Variants in RHBDL2 observed in about 807,000 individuals in gnomAD.
The protein encoded by RHBDL2 is rhomboid like 2.
In RHBDL2, 26 loss-of-function variants were observed where a neutral mutation model predicts 31.7. The observed-to-expected ratio is 0.82, with a 90% CI of 0.60 to 1.14. The LOEUF (loss-of-function observed/expected upper bound fraction) is 1.14, where lower values mean the gene tolerates loss of function less well. RHBDL2 is among the 50% of genes most tolerant of loss of function. RHBDL2 has a pLI of 0.00. For synonymous variants in RHBDL2, 123 were observed against 127.2 expected (o/e 0.97, Z 0.22); for missense variants, 336 against 364.4 (o/e 0.92, Z 0.63).
In RHBDL2 at chr1:38,938,641, T is replaced by A. The variant is rs948848381; in HGVS notation, c.-126+3041A>T. Among the ~76,000 whole-genome samples, 52 of 152,242 alleles carry A rather than the reference T, an allele frequency of 3.4e-4. 1 individual carries two copies. The highest frequency in any genetic ancestry group is 5.4e-4 in the Non-Finnish European group (37 of 68,012). The stretch of plus-strand genomic sequence containing the variant: ...TTAAGTTAAAGAAAAGAAAAGAAAA[T>A]TTTTTAATTAAAGAAAAACAAAACT... On this transcript the variant is annotated intron_variant, in intron 1 of 7. Transcript: ENST00000372990.
intron 1 of RHBDL2, chr1:38,929,702 G>A (rs762460831): frequency 6.9e-5 from 33 of 475,798 alleles, no homozygotes; most frequent in African/African-American, 4.6e-4. Context: ...GGAGACTTTC[G>A]GTGGTGTTGC....
At chr1:38,901,786 T>C (rs1018453107) in intron 4 of RHBDL2, among the ~76,000 whole-genome samples, 1 of 150,844 alleles carries the variant, frequency 6.6e-6, no homozygotes, top group Non-Finnish European at 1.5e-5. Flanking sequence ...GAGCTGAGAT[T>C]GCACCACTGC....
intron 1 of RHBDL2, among the ~76,000 whole-genome samples, chr1:38,924,651 T>A (rs918987849): frequency 2.6e-5 from 4 of 151,738 alleles, no homozygotes; most frequent in Admixed American, 2.6e-4. Flanking sequence ...TTGCCTAGAA[T>A]AAGCATTACT....
chr1:38,909,807 T>A (rs1643116689), intron 4 of RHBDL2, among the ~76,000 whole-genome samples: 1 of 152,176 alleles, frequency 6.6e-6, no homozygotes, highest in Admixed American at 6.6e-5. Context: ...CTATCATATG[T>A]TCCAACAACT....
chr1:38,891,541 G>C (rs994773176), intron 6 of RHBDL2, among the ~76,000 whole-genome samples: 2 of 152,172 alleles, frequency 1.3e-5, no homozygotes, highest in Non-Finnish European at 2.9e-5. Context: ...GTGTGACCCT[G>C]AACAACTGAG....
At chr1:38,935,374 G>A (rs1050800950) in intron 1 of RHBDL2, among the ~76,000 whole-genome samples, 2 of 152,066 alleles carry the variant, frequency 1.3e-5, no homozygotes, top group African/African-American at 4.8e-5. Flanking sequence ...ATAGCATAAT[G>A]GCTAAAACAC....
At chr1:38,887,899 AT>A in intron 7 of RHBDL2, 63 bp downstream of exon 7, 1 of 1,219,354 alleles carries the variant, frequency 8.2e-7, no homozygotes, top group Non-Finnish European at 1.2e-6. Flanking sequence ...TGTAACCCCT[AT>A]TTGATAACCC....
chr1:38,897,354 C>T (rs1183501962), intron 4 of RHBDL2, among the ~76,000 whole-genome samples: 1 of 152,132 alleles, frequency 6.6e-6, no homozygotes, highest in African/African-American at 2.4e-5. Flanking sequence ...CCCACCTCGG[C>T]CTCCCAAAGT....
intron 1 of RHBDL2, chr1:38,929,585 G>T: frequency 7.8e-7 from 1 of 1,283,102 alleles, no homozygotes; most frequent in African/African-American, 1.5e-5. Flanking sequence ...GTACCAGGCA[G>T]GCCCCTGCCG....
chr1:38,903,329 G>A lies in RHBDL2; in HGVS notation c.509-7260C>T, dbSNP rs374634670. 2.2e-3 allele frequency among the ~76,000 whole-genome samples: 334 copies of A among 151,810 alleles called. 4 individuals carry two copies. The South Asian group carries it at 0.032, about 14-fold the overall frequency. On this transcript the variant is annotated intron_variant, in intron 4 of 7. Coordinates refer to ENST00000372990, the MANE Select transcript of RHBDL2 (RefSeq NM_017821.5). ...TAATTTTTGTATTTTTAGTAGAGACGGGGTTTCACTATGTTGCCCAGGCTG... is the reference window on the plus strand; with the variant it reads ...TAATTTTTGTATTTTTAGTAGAGACAGGGTTTCACTATGTTGCCCAGGCTG...
rs1243603964 is a variant in RHBDL2 at position 38,917,260 on chromosome 1, G to A, written c.247-1550C>T. On this transcript the variant is annotated intron_variant, in intron 2 of 7. Coordinates refer to ENST00000372990, the MANE Select transcript of RHBDL2 (RefSeq NM_017821.5). ...TCTCAATCTCCTGACCTTGTGATCC[G>A]CCCACCTCAGCCTCCCAAAGTGCTG... Among the ~76,000 whole-genome samples, 3 of 151,828 alleles carry A rather than the reference G, an allele frequency of 2.0e-5. No homozygotes were observed. The South Asian group carries it at 6.2e-4, about 32-fold the overall frequency.
intron 4 of RHBDL2, among the ~76,000 whole-genome samples, chr1:38,899,637 G>A (rs1642964290): frequency 6.6e-6 from 1 of 152,224 alleles, no homozygotes; most frequent in African/African-American, 2.4e-5. Context: ...CAGACTGGTT[G>A]AATTAATGAA....
Position 38,916,584 on chromosome 1 carries a change from C to T in RHBDL2, c.247-874G>A, listed in dbSNP as rs375779323. Among the ~76,000 whole-genome samples the T allele has an allele frequency of 1.3e-4, 20 of 152,206 alleles. No individual in the cohort carries two copies. In the South Asian group the frequency reaches 3.9e-3, roughly 30 times the overall value. ...ATGGGGCCAGACGCAGTGGCTCATG[C>T]CTATAGTCCCAGCCCTTTGGCGGGA... is the stretch of plus-strand genomic sequence containing the variant. On this transcript the variant is annotated intron_variant, in intron 2 of 7. Transcript: ENST00000372990.
chr1:38,929,492 C>T (rs1469168319), intron 1 of RHBDL2: 7 of 1,289,346 alleles, frequency 5.4e-6, no homozygotes, highest in Non-Finnish European at 7.1e-6. Flanking sequence ...TGAGCTTGTG[C>T]CGCTTGCCTA....
intron 1 of RHBDL2, among the ~76,000 whole-genome samples, chr1:38,919,870 G>A (rs977754631): frequency 4.6e-5 from 7 of 152,150 alleles, no homozygotes; most frequent in Non-Finnish European, 7.4e-5. Context: ...CACCGAAGCC[G>A]GCCCTGTTTT....
chr1:38,936,886 G>A (rs1460653311), intron 1 of RHBDL2, among the ~76,000 whole-genome samples: 7 of 151,546 alleles, frequency 4.6e-5, no homozygotes, highest in South Asian at 2.1e-4. Context: ...CACCCAACTC[G>A]GCCTCCCAAA....
intron 1 of RHBDL2, among the ~76,000 whole-genome samples, chr1:38,929,850 C>T (rs1643422212): frequency 6.6e-6 from 1 of 152,044 alleles, no homozygotes; most frequent in South Asian, 2.1e-4. Context: ...TGAAAGGATG[C>T]TTTTTTAGCT....
intron 4 of RHBDL2, among the ~76,000 whole-genome samples, chr1:38,897,265 T>C (rs1642930504): frequency 6.6e-6 from 1 of 152,110 alleles, no homozygotes; most frequent in Non-Finnish European, 1.5e-5. Flanking sequence ...CACGCCTGGC[T>C]AATTTTTTGT....
intron 6 of RHBDL2, among the ~76,000 whole-genome samples, chr1:38,889,728 C>A (rs1642831284): frequency 6.6e-6 from 1 of 152,226 alleles, no homozygotes; most frequent in African/African-American, 2.4e-5. Context: ...ACTTCTTGGC[C>A]TAGAAGAACT....
Sources: gnomAD v4.1 joint callset for allele counts (sites outside exome capture counted in the v4.1 genomes callset) on GRCh38, gnomAD v4.1.1 for gene constraint, MANE v1.5 for transcripts, NCBI Gene and HGNC (gene_info 2026-07-23, HGNC 2026-07-21) for gene names.